The following TTC7A variants were observed in gnomAD, a reference collection of about 807,000 sequenced individuals.
TTC7A encodes tetratricopeptide repeat domain 7A.
Under a neutral mutation model 103.7 loss-of-function variants are expected in TTC7A, and 110 were observed. The observed-to-expected ratio is 1.06, with a 90% CI of 0.91 to 1.24. The LOEUF is 1.24. Ranked by LOEUF, TTC7A falls within the 50% of genes most tolerant of loss-of-function variation. The pLI is 0.00. For synonymous variants in TTC7A, 521 were observed against 467.9 expected, an observed-to-expected ratio of 1.11 and a Z score of -1.47; for missense variants, 1,340 against 1,116.3, an observed-to-expected ratio of 1.20 and a Z score of -2.86.
intron 5 of TTC7A, among the ~76,000 whole-genome samples, chr2:46,980,657 C>T (rs1014895066): frequency 2.0e-5 from 3 of 152,162 alleles, no homozygotes; most frequent in Non-Finnish European, 4.4e-5. Flanking sequence ...GATCTGGGCC[C>T]TGGCTGGGGC....
chr2:46,931,919 A>C (rs1669726957), intron 2 of TTC7A, among the ~76,000 whole-genome samples: 1 of 152,216 alleles, frequency 6.6e-6, no homozygotes, highest in Non-Finnish European at 1.5e-5. Flanking sequence ...TAATACAACT[A>C]AGTTGATTCC....
Position 46,993,439 on chromosome 2 carries a change from C to T in TTC7A, c.765-11C>T, listed in dbSNP as rs756165979. On this transcript the variant is annotated splice_polypyrimidine_tract_variant and intron_variant, in intron 5 of 19. Coordinates refer to ENST00000319190, the MANE Select transcript of TTC7A (RefSeq NM_020458.4). ...CTGGTAACAAATCTACTTCTGCCGT[C>T]CTCCCACCAGGAACATCGTGAAGGG... 1 of 1,614,038 alleles carries T rather than the reference C, an allele frequency of 6.2e-7. No individual in the cohort carries two copies.
intron 16 of TTC7A, among the ~76,000 whole-genome samples, chr2:47,049,654 C>G (rs1682669159): frequency 6.6e-6 from 1 of 152,128 alleles, no homozygotes; most frequent in African/African-American, 2.4e-5. Flanking sequence ...GTTGCTCCCC[C>G]TGGCCTGGGG....
At chr2:47,014,642 A>G (rs139267037) in intron 11 of TTC7A, among the ~76,000 whole-genome samples, 1 of 152,304 alleles carries the variant, frequency 6.6e-6, no homozygotes, top group Non-Finnish European at 1.5e-5. Context: ...GAGACAGGGC[A>G]CAGATCCCAA....
intron 19 of TTC7A, among the ~76,000 whole-genome samples, chr2:47,065,295 A>G (rs567231240): frequency 7.2e-5 from 11 of 152,370 alleles, no homozygotes; most frequent in African/African-American, 2.2e-4. Context: ...TCAAAAAGGA[A>G]AAAAATGAGG....
chr2:46,917,398 C>T (rs1365908161), intron 2 of TTC7A: 1 of 569,532 alleles, frequency 1.8e-6, no homozygotes, highest in Admixed American at 3.5e-5. Context: ...CTCCTTCTAC[C>T]CTGCATCTGC....
intron 3 of TTC7A, among the ~76,000 whole-genome samples, chr2:46,964,187 C>T (rs946339790): frequency 3.9e-5 from 6 of 152,238 alleles, no homozygotes; most frequent in Non-Finnish European, 8.8e-5. Context: ...GGGGCCTTCA[C>T]AGGCGAGCTG....
intron 5 of TTC7A, among the ~76,000 whole-genome samples, chr2:46,990,793 C>T (rs929516961): frequency 2.0e-5 from 3 of 152,176 alleles, no homozygotes; most frequent in Non-Finnish European, 4.4e-5. Flanking sequence ...ACTTCTTGAA[C>T]TAGGAGAACT....
chr2:47,056,545 C>G (rs1311058897), intron 18 of TTC7A, among the ~76,000 whole-genome samples: 2 of 152,204 alleles, frequency 1.3e-5, no homozygotes, highest in Non-Finnish European at 2.9e-5. Context: ...GAAAGTGGGC[C>G]CATCCCCCTG....
Position 47,058,900 on chromosome 2 carries a change from G to C in TTC7A, c.2153-1869G>C, listed in dbSNP as rs375368298. 2.6e-4 allele frequency among the ~76,000 whole-genome samples: 39 copies of C among 152,100 alleles called. 2 individuals carry two copies. Among genetic ancestry groups the C allele is most frequent in the South Asian group, 2.1e-3 (10 of 4,808 alleles). ...TCCTCCCCTGCCTGCTGGCCCAAAGGGGTGTGTGTCTGCTTTGGAGGGAGG... is the reference window on the plus strand; with the variant it reads ...TCCTCCCCTGCCTGCTGGCCCAAAGCGGTGTGTGTCTGCTTTGGAGGGAGG... On this transcript the variant is annotated intron_variant, in intron 18 of 19. Transcript: ENST00000319190.
chr2:46,964,194 G>T (rs1672635805), intron 3 of TTC7A, among the ~76,000 whole-genome samples: 1 of 152,226 alleles, frequency 6.6e-6, no homozygotes, highest in Non-Finnish European at 1.5e-5. Flanking sequence ...TCACAGGCGA[G>T]CTGGGTGGTG....
intron 1 of TTC7A, among the ~76,000 whole-genome samples, chr2:46,945,125 CT>C (rs1484122422): frequency 6.6e-6 from 1 of 152,004 alleles, no homozygotes. Flanking sequence ...TTGAGACTTT[CT>C]TTTTAATTTT....
At position 46,993,749 on chromosome 2, in the gene TTC7A, G is replaced by A. The variant is rs189435573; in HGVS notation, c.843+221G>A. ...GCAGATAGTCCCTCATGTTAAATCAGATTTCAGATCTACTGCCAGCGCTTC... is the reference window on the plus strand; with the variant it reads ...GCAGATAGTCCCTCATGTTAAATCAAATTTCAGATCTACTGCCAGCGCTTC... On this transcript the variant is annotated intron_variant, in intron 6 of 19. Coordinates refer to ENST00000319190, the MANE Select transcript of TTC7A (RefSeq NM_020458.4). Among the ~76,000 whole-genome samples the A allele has an allele frequency of 2.1e-3, 318 of 152,282 alleles. 3 individuals carry two copies. Among genetic ancestry groups the A allele is most frequent in the Middle Eastern group, 0.01 (3 of 294 alleles).
At chr2:47,056,035 G>A (rs369174043) in intron 18 of TTC7A, among the ~76,000 whole-genome samples, 2 of 151,848 alleles carry the variant, frequency 1.3e-5, no homozygotes, top group East Asian at 1.9e-4. Context: ...CCGAGTCAGC[G>A]AGGCCACTCT....
intron 18 of TTC7A, among the ~76,000 whole-genome samples, chr2:47,053,380 C>T (rs529531997): frequency 2.0e-5 from 3 of 152,350 alleles, no homozygotes; most frequent in East Asian, 3.9e-4. Context: ...CCCACAGCTT[C>T]GCACCCATGA....
chr2:47,037,139 C>G (rs532096966), intron 15 of TTC7A, among the ~76,000 whole-genome samples: 1 of 152,350 alleles, frequency 6.6e-6, no homozygotes, highest in South Asian at 2.1e-4. Flanking sequence ...CACTTTGTCC[C>G]CGGAGCCCCT....
In TTC7A at chr2:46,978,862, T is replaced by C. The variant is rs1392469315; in HGVS notation, c.719T>C (p.Leu240Pro). Residue 240 changes from leucine to proline, a missense_variant, in exon 5 of 20, where the codon CTG (leucine) becomes CCG (proline). Leu to Pro is a moderately conservative substitution (Grantham distance 98). Coordinates refer to ENST00000319190, the MANE Select transcript of TTC7A (RefSeq NM_020458.4). ...CTTGACTATGAGCTCACCTACTTCC[T>C]GGAAGCTGCCCTCCAGAGCGCCTAT... ...HPLDYELTYF[L>P]EAALQSAYVK... The C allele has an allele frequency of 6.2e-7, 1 of 1,614,094 alleles. No individual in the cohort carries two copies. Among genetic ancestry groups the C allele is most frequent in the Non-Finnish European group, 8.5e-7 (1 of 1,179,980 alleles).
intron 2 of TTC7A, among the ~76,000 whole-genome samples, chr2:46,924,779 C>T (rs1434318692): frequency 6.6e-6 from 1 of 152,176 alleles, no homozygotes; most frequent in Admixed American, 6.5e-5. Context: ...GGCACACTGC[C>T]AGCACGCCTG....
At chr2:47,069,284 G>C (rs1684461231) in intron 19 of TTC7A, among the ~76,000 whole-genome samples, 1 of 152,164 alleles carries the variant, frequency 6.6e-6, no homozygotes, top group East Asian at 1.9e-4. Context: ...TGACCCATCG[G>C]GCCCCTGGCC....
Sources: allele counts gnomAD v4.1 joint callset (sites outside exome capture counted in the v4.1 genomes callset), GRCh38; gene constraint gnomAD v4.1.1; transcripts MANE v1.5; gene names NCBI Gene and HGNC (gene_info 2026-07-23, HGNC 2026-07-21).